Variants in NFATC2 observed in about 807,000 individuals in gnomAD.
NFATC2 encodes the protein nuclear factor of activated T-cells, cytoplasmic 2.
A neutral mutation model predicts 87.3 loss-of-function variants in NFATC2; 22 were observed. The observed-to-expected ratio is 0.25, with a 90% CI of 0.18 to 0.36. The LOEUF (loss-of-function observed/expected upper bound fraction) is 0.36, where lower values mean the gene tolerates loss of function less well. Ranked by LOEUF, NFATC2 falls within the 10% of genes least tolerant of loss-of-function variation. NFATC2 has a pLI of 1.00. For synonymous variants in NFATC2, 565 were observed against 542.2 expected (o/e 1.04, Z -0.58); for missense variants, 1,149 against 1,259.1 (o/e 0.91, Z 1.32).
chr20:51,517,425 C>CTAAAAATACAA (rs1157471352), intron 2 of NFATC2, among the ~76,000 whole-genome samples: 1 of 151,686 alleles, frequency 6.6e-6, no homozygotes, highest in Admixed American at 6.6e-5. Flanking sequence ...CCTGTCTCTA[C>CTAAAAATACAA]TAAAAATACA....
At chr20:51,396,299 C>T (rs1350254996) in intron 10 of NFATC2, among the ~76,000 whole-genome samples, 1 of 151,936 alleles carries the variant, frequency 6.6e-6, no homozygotes, top group African/African-American at 2.4e-5. Flanking sequence ...TATCAGAGCT[C>T]AGAGGTTCCC....
At chr20:51,498,031 T>C (rs1425506440) in intron 3 of NFATC2, among the ~76,000 whole-genome samples, 1 of 152,226 alleles carries the variant, frequency 6.6e-6, no homozygotes. Flanking sequence ...TAAAACTAAC[T>C]TGTGCCTATT....
At chr20:51,500,658 T>TCCACC (rs1419358992) in intron 3 of NFATC2, among the ~76,000 whole-genome samples, 1 of 13,356 alleles carries the variant, frequency 7.5e-5, no homozygotes, top group Non-Finnish European at 1.5e-4. Flanking sequence ...CACCCCCCCC[T>TCCACC]CCACCCCCAC....
intron 3 of NFATC2, among the ~76,000 whole-genome samples, chr20:51,494,200 C>T (rs2075949276): frequency 2.0e-5 from 3 of 151,896 alleles, no homozygotes; most frequent in Non-Finnish European, 4.4e-5. Flanking sequence ...CCCAGTGCTC[C>T]CCTCCTTCTC....
intron 9 of NFATC2, among the ~76,000 whole-genome samples, chr20:51,423,627 A>C (rs1195087846): frequency 1.3e-5 from 2 of 152,268 alleles, no homozygotes; most frequent in African/African-American, 4.8e-5. Context: ...TTACCACAAG[A>C]GAATAGCCTC....
At chr20:51,475,401 C>T (rs1988620929) in intron 4 of NFATC2, 57 bp downstream of exon 4, 13 of 1,573,726 alleles carry the variant, frequency 8.3e-6, no homozygotes, top group South Asian at 6.7e-5. Flanking sequence ...ATCCCTGCCA[C>T]CTGCCCCCTG....
At chr20:51,473,923 GA>G (rs1223955830) in intron 5 of NFATC2, 56 bp downstream of exon 5, 5 of 1,574,412 alleles carry the variant, frequency 3.2e-6, no homozygotes, top group African/African-American at 2.7e-5. Context: ...GCTCCCGGGG[GA>G]AGCCCACGTG....
chr20:51,486,335 G>A (rs1989708755), intron 3 of NFATC2, among the ~76,000 whole-genome samples: 1 of 152,168 alleles, frequency 6.6e-6, no homozygotes, highest in African/African-American at 2.4e-5. Context: ...GGGCCTCCTT[G>A]CTGCTCCTGG....
chr20:51,524,086 G>A lies in NFATC2; in HGVS notation c.155C>T (p.Ala52Val). 2 of 1,472,230 alleles carry A rather than the reference G, an allele frequency of 1.4e-6. No homozygotes were observed. The highest frequency in any genetic ancestry group is 1.8e-6 in the Non-Finnish European group (2 of 1,114,892). 91.2% of individuals were successfully genotyped at this position (1,472,230 alleles called of 1,614,324 possible). ...NEEEPNAHKV[A>V]SPPSGPAYPD... is the part of the protein sequence containing the mutation. The stretch of plus-strand genomic sequence containing the variant: ...GTATGCGGGTCCGGAGGGTGGGCTG[G>A]CGACCTTATGTGCATTCGGCTCTTC... Residue 52 changes from alanine (A) to valine (V), a missense_variant, in exon 2 of 11, where the codon GCC becomes GTC. Around this residue, in one of 3 missense-constraint regions of NFATC2, gnomAD observed 563 missense variants for 585.2 expected, o/e 0.96. Transcript: ENST00000371564. The surrounding 1 kb of genome is among the most constrained non-coding windows in gnomAD (Gnocchi z 4.0).
rs181802981 is a variant in NFATC2 at position 51,512,760 on chromosome 20, G to C, written c.1332+4024C>G. Among the ~76,000 whole-genome samples, 7 of 152,340 alleles carry C rather than the reference G, an allele frequency of 4.6e-5. No individual in the cohort carries two copies. In the East Asian group the frequency reaches 1.3e-3, roughly 29 times the overall value. On this transcript the variant is annotated intron_variant, in intron 3 of 10. Transcript: ENST00000371564. ...GTTCTATAGTGAGGCAAATAAAAGA[G>C]AGAAGGGTGGAGACTGAGTAACTGA... is the stretch of plus-strand genomic sequence containing the variant.
chr20:51,392,824 C>T (rs1317914365), intron 10 of NFATC2, among the ~76,000 whole-genome samples: 1 of 152,158 alleles, frequency 6.6e-6, no homozygotes, highest in Non-Finnish European at 1.5e-5. Context: ...GGGTGCTTTT[C>T]GCTGGAAAAC....
chr20:51,434,203 GGCA>G (rs1983219722), intron 8 of NFATC2, among the ~76,000 whole-genome samples: 1 of 55,068 alleles, frequency 1.8e-5, no homozygotes, highest in Admixed American at 1.7e-4. Flanking sequence ...AGGCTGCCAG[GGCA>G]GTCAAGCTCA....
intron 10 of NFATC2, among the ~76,000 whole-genome samples, chr20:51,393,195 T>A (rs1004284138): frequency 6.6e-6 from 1 of 152,214 alleles, no homozygotes; most frequent in Non-Finnish European, 1.5e-5. Flanking sequence ...AGAGGTCGGA[T>A]TCTGGAGCCA....
chr20:51,484,484 C>A (rs1989541555), intron 3 of NFATC2, among the ~76,000 whole-genome samples: 1 of 152,242 alleles, frequency 6.6e-6, no homozygotes, highest in Non-Finnish European at 1.5e-5. Flanking sequence ...CCCATCTTTC[C>A]TGTTCATGGT....
upstream of NFATC2, among the ~76,000 whole-genome samples, chr20:51,543,164 C>G (rs560640772): frequency 6.6e-6 from 1 of 152,182 alleles, no homozygotes; most frequent in African/African-American, 2.4e-5. Flanking sequence ...ACTTCAGACA[C>G]CTGCATGGCC....
intron 5 of NFATC2, among the ~76,000 whole-genome samples, chr20:51,456,599 C>A (rs1213368033): frequency 6.6e-6 from 1 of 152,228 alleles, no homozygotes; most frequent in Non-Finnish European, 1.5e-5. Context: ...CCTCAGGCCT[C>A]TCTCCTTCCA....
chr20:51,515,270 G>C (rs887169466), intron 3 of NFATC2, among the ~76,000 whole-genome samples: 2 of 152,222 alleles, frequency 1.3e-5, no homozygotes, highest in African/African-American at 2.4e-5. Flanking sequence ...AGAACAGAGA[G>C]ACTAAGAGTG....
At chr20:51,402,091 G>A (rs1988106934) in intron 9 of NFATC2, among the ~76,000 whole-genome samples, 2 of 152,212 alleles carry the variant, frequency 1.3e-5, no homozygotes, top group African/African-American at 4.8e-5. Flanking sequence ...CCTAGCCAGT[G>A]TAGAATATGC....
chr20:51,463,666 TG>T (rs1467554124), intron 5 of NFATC2, among the ~76,000 whole-genome samples: 1 of 152,210 alleles, frequency 6.6e-6, no homozygotes, highest in African/African-American at 2.4e-5. Context: ...TTGCCAGCCG[TG>T]GGACTGCAGC....
Sources: allele counts gnomAD v4.1 joint callset (sites outside exome capture counted in the v4.1 genomes callset), GRCh38; gene constraint gnomAD v4.1.1; regional missense constraint gnomAD v4.1.1; non-coding constraint Gnocchi (gnomAD v3.1); transcripts MANE v1.5; gene names NCBI Gene and HGNC (gene_info 2026-07-23, HGNC 2026-07-21).